The following ASXL2 variants were observed in gnomAD, a reference collection of about 807,000 sequenced individuals.
ASXL2 encodes ASXL transcriptional regulator 2.
In ASXL2, 23 loss-of-function variants were observed where a neutral mutation model predicts 122.0. The observed-to-expected ratio is 0.19, with a 90% confidence interval of 0.14 to 0.27. The LOEUF is 0.27. Ranked by LOEUF, ASXL2 falls within the 10% of genes least tolerant of loss-of-function variation. The pLI is 1.00. For synonymous variants in ASXL2, 650 were observed against 637.0 expected (o/e 1.02, Z -0.31); for missense variants, 1,518 against 1,713.8 (o/e 0.89, Z 2.02).
intron 2 of ASXL2, 36 bp from the exon 3 acceptor site, chr2:25,835,576 G>T: frequency 3.9e-6 from 1 of 257,652 alleles, no homozygotes; most frequent in Non-Finnish European, 8.4e-6. Flanking sequence ...AATGAAAGAA[G>T]GAAAAAAAAA....
chr2:25,856,574 G>C, intron 1 of ASXL2: 2 of 1,164,894 alleles, frequency 1.7e-6, no homozygotes, highest in East Asian at 2.5e-5. Flanking sequence ...CCAAGGGGTA[G>C]GGGGCGCCAG....
rs2087787929 is a variant in ASXL2, at chr2:25,739,352, AGGC to A, written c.*2674_*2676del. On this transcript the variant is annotated 3_prime_UTR_variant, in exon 13 of 13. Transcript: ENST00000435504. ...TGTTTCTACTGCTTCATTTTCTAAA[AGGC>A]CAGATTGTAATGTGTTTTTTTTTTT... 11 of 173,508 alleles carry A rather than the reference AGGC, an allele frequency of 6.3e-5. No homozygotes were observed. Among genetic ancestry groups the A allele is most frequent in the Non-Finnish European group, 1.4e-4 (11 of 80,610 alleles). 10.7% of individuals were successfully genotyped at this position (173,508 alleles called of 1,614,324 possible). A position where few individuals can be genotyped will look rare whatever the true frequency, so the allele number is the denominator to read the frequency against.
intron 1 of ASXL2, among the ~76,000 whole-genome samples, chr2:25,870,962 C>T (rs866037077): frequency 1.3e-5 from 2 of 152,134 alleles, no homozygotes; most frequent in South Asian, 4.2e-4. Context: ...TTACATACTT[C>T]TACTTGTTTC....
intron 8 of ASXL2, among the ~76,000 whole-genome samples, chr2:25,760,946 C>T (rs2088231994): frequency 6.6e-6 from 1 of 152,068 alleles, no homozygotes; most frequent in African/African-American, 2.4e-5. Flanking sequence ...AATGGGACAT[C>T]TAGAAATGTA....
chr2:25,753,425 ACAGAAGGAAAC>A (rs2088080357), intron 11 of ASXL2, 98 bp downstream of exon 11: 1 of 738,846 alleles, frequency 1.4e-6, no homozygotes, highest in African/African-American at 1.8e-5. Context: ...ATAAAACAAA[ACAGAAGGAAAC>A]TGGGGCCTAG....
At chr2:25,806,609 CA>C (rs1181791777) in intron 3 of ASXL2, among the ~76,000 whole-genome samples, 7 of 152,162 alleles carry the variant, frequency 4.6e-5, no homozygotes, top group African/African-American at 1.7e-4. Flanking sequence ...GTATTACAAA[CA>C]TATTTTGTAA....
chr2:25,863,472 C>T (rs1315947364), intron 1 of ASXL2, among the ~76,000 whole-genome samples: 1 of 151,734 alleles, frequency 6.6e-6, no homozygotes, highest in African/African-American at 2.4e-5. Flanking sequence ...GCGGGTAGAT[C>T]ATGAGGTCAG....
intron 1 of ASXL2, among the ~76,000 whole-genome samples, chr2:25,849,452 CA>C (rs34833277): frequency 4.2e-3 from 295 of 70,656 alleles, no homozygotes; most frequent in African/African-American, 8.5e-3. Flanking sequence ...GACTCTGACT[CA>C]AAAAAAAAAA....
At chr2:25,779,142 T>C (rs1410294287) in intron 5 of ASXL2, among the ~76,000 whole-genome samples, 1 of 139,168 alleles carries the variant, frequency 7.2e-6, no homozygotes. Context: ...CAGGCTGGAG[T>C]GCAGTGGTGC....
At chr2:25,865,093 G>C (rs1213747657) in intron 1 of ASXL2, among the ~76,000 whole-genome samples, 1 of 151,714 alleles carries the variant, frequency 6.6e-6, no homozygotes, top group East Asian at 2.0e-4. Flanking sequence ...AAAGTGCTGA[G>C]ATTACAGGTG....
chr2:25,745,350 T>C (rs2087923551), intron 12 of ASXL2, among the ~76,000 whole-genome samples: 1 of 151,600 alleles, frequency 6.6e-6, no homozygotes, highest in Admixed American at 6.6e-5. Flanking sequence ...GTAGCTGGGA[T>C]TACAGGTGTG....
chr2:25,783,398 T>C (rs568922105), intron 5 of ASXL2, among the ~76,000 whole-genome samples: 92 of 151,508 alleles, frequency 6.1e-4, no homozygotes, highest in African/African-American at 2.0e-3. Flanking sequence ...TCATGGTTTT[T>C]TCCTTTAAAA....
intron 1 of ASXL2, among the ~76,000 whole-genome samples, chr2:25,867,471 G>C (rs2089918985): frequency 6.6e-6 from 1 of 152,118 alleles, no homozygotes; most frequent in African/African-American, 2.4e-5. Context: ...TAAAGGTGTT[G>C]AAAAGCTGCA....
At chr2:25,769,329 T>A (rs939561740) in intron 6 of ASXL2, among the ~76,000 whole-genome samples, 3 of 152,180 alleles carry the variant, frequency 2.0e-5, no homozygotes, top group Non-Finnish European at 4.4e-5. Flanking sequence ...AATGTAAATA[T>A]TCAGTTTACG....
At chr2:25,771,659 G>T in intron 5 of ASXL2, 119 bp from the exon 6 acceptor site, 1 of 798,040 alleles carries the variant, frequency 1.3e-6, no homozygotes, top group Non-Finnish European at 1.9e-6. Flanking sequence ...TTTTGGGAAC[G>T]ATGTACTTTT....
At chr2:25,837,011 T>C (rs1250049472) in intron 2 of ASXL2, among the ~76,000 whole-genome samples, 1 of 137,826 alleles carries the variant, frequency 7.3e-6, no homozygotes, top group Non-Finnish European at 1.5e-5. Flanking sequence ...ATTTCTCTAT[T>C]AGCTGATAGA....
chr2:25,761,590 G>A (rs542090903), intron 8 of ASXL2, among the ~76,000 whole-genome samples: 33 of 150,380 alleles, frequency 2.2e-4, no homozygotes, highest in Admixed American at 1.9e-3. Flanking sequence ...GGAGAATGGC[G>A]TGAACCCGGG....
rs533298966 is a variant in ASXL2, at chr2:25,782,588, A to C, written c.404-11048T>G. Among the ~76,000 whole-genome samples, 5 of 152,260 alleles carry C rather than the reference A, an allele frequency of 3.3e-5. No individual in the cohort carries two copies. In the South Asian group the frequency reaches 1.0e-3, roughly 32 times the overall value. ...ACAAAACACCTCTAACATAATGTTA[A>C]ATAAGAATGGAGATAGTGGACATCT... On this transcript the variant is annotated intron_variant, in intron 5 of 12. Coordinates refer to ENST00000435504, the MANE Select transcript of ASXL2 (RefSeq NM_018263.6).
intron 5 of ASXL2, 43 bp from the exon 6 acceptor site, chr2:25,771,583 G>A: frequency 6.7e-7 from 1 of 1,490,990 alleles, no homozygotes; most frequent in Non-Finnish European, 9.3e-7. Flanking sequence ...TGTTAACAGA[G>A]ATACCAAGCA....
Sources: gnomAD v4.1 joint callset for allele counts (sites outside exome capture counted in the v4.1 genomes callset) on GRCh38, gnomAD v4.1.1 for gene constraint, MANE v1.5 for transcripts, NCBI Gene and HGNC (gene_info 2026-07-23, HGNC 2026-07-21) for gene names.